The following ALB variants were observed in gnomAD, a reference collection of about 807,000 sequenced individuals.
ALB encodes the protein serum albumin.
A neutral mutation model predicts 74.5 loss-of-function variants in ALB; 37 were observed. That is an observed-to-expected ratio of 0.50 (90% confidence interval 0.38 to 0.65). ALB has a LOEUF of 0.65. ALB is among the 30% of genes least tolerant of loss of function. The pLI is 0.00. For missense variants in ALB, 685 were observed against 718.7 expected (o/e 0.95, Z 0.54); for synonymous variants, 249 against 251.6 (o/e 0.99, Z 0.10).
At chr4:73,407,913 C>A (rs1718773348) in intron 3 of ALB, among the ~76,000 whole-genome samples, 1 of 152,094 alleles carries the variant, frequency 6.6e-6, no homozygotes, top group South Asian at 2.1e-4. Context: ...ACAGCAGAGT[C>A]AGGACTTTAA....
chr4:73,405,057 A>G (rs764783420), intron 1 of ALB, 59 bp from the exon 2 acceptor site: 4 of 1,477,052 alleles, frequency 2.7e-6, no homozygotes, highest in African/African-American at 1.4e-5. Flanking sequence ...AAAAAGTAAC[A>G]TTATTACTTC....
intron 3 of ALB, among the ~76,000 whole-genome samples, chr4:73,408,343 C>T (rs1271941329): frequency 6.6e-6 from 1 of 152,148 alleles, no homozygotes; most frequent in East Asian, 1.9e-4. Flanking sequence ...TATAACTTTC[C>T]TTAAAGCTAT....
intron 2 of ALB, among the ~76,000 whole-genome samples, chr4:73,405,682 C>T (rs935206283): frequency 6.6e-6 from 1 of 151,964 alleles, no homozygotes; most frequent in African/African-American, 2.4e-5. Flanking sequence ...ACTCCGCCTC[C>T]CGGGTTCACG....
chr4:73,419,396 C>T (rs1719090982), intron 12 of ALB, 111 bp from the exon 13 acceptor site: 1 of 1,290,574 alleles, frequency 7.7e-7, no homozygotes, highest in African/African-American at 1.5e-5. Context: ...TTGCCTGGCT[C>T]CAAGATTTAT....
intron 2 of ALB, 23 bp downstream of exon 2, chr4:73,405,196 C>A (rs1449599026): frequency 5.8e-6 from 9 of 1,552,668 alleles, no homozygotes; most frequent in South Asian, 1.1e-5. Context: ...ATTGATGAAT[C>A]AAATTTAATG....
chr4:73,413,711 T>C (rs888808582), intron 8 of ALB, 77 bp downstream of exon 8: 24 of 1,399,448 alleles, frequency 1.7e-5, no homozygotes, highest in East Asian at 4.7e-5. Context: ...GGCTTTTCTG[T>C]GGAGTTGCTA....
In ALB at chr4:73,410,336, A is replaced by G. The variant is rs11538220; in HGVS notation, c.640A>G (p.Lys214Glu). The G allele has an allele frequency of 6.2e-7, 1 of 1,613,844 alleles. No homozygotes were observed. Among genetic ancestry groups the G allele is most frequent in the Non-Finnish European group, 8.5e-7 (1 of 1,179,768 alleles). Residue 214 changes from lysine to glutamate, a missense_variant, in exon 6 of 15, where the codon AAG (lysine) becomes GAG (glutamate). Coordinates refer to ENST00000295897, the MANE Select transcript of ALB (RefSeq NM_000477.7). Reference protein sequence around the residue: ...PKLDELRDEGKASSAKQRLKC... With the variant: ...PKLDELRDEGEASSAKQRLKC... The stretch of plus-strand genomic sequence containing the variant: ...GCTCGATGAACTTCGGGATGAAGGG[A>G]AGGCTTCGTCTGCCAAACAGAGACT...
intron 5 of ALB, 150 bp downstream of exon 5, chr4:73,409,637 T>C (rs916063558): frequency 4.7e-5 from 44 of 929,566 alleles, no homozygotes; most frequent in Non-Finnish European, 3.3e-6. Context: ...AAATCTTTCA[T>C]CTTTGAAGGC....
chr4:73,407,997 G>A (rs1718775332), intron 3 of ALB, among the ~76,000 whole-genome samples: 1 of 152,112 alleles, frequency 6.6e-6, no homozygotes, highest in Admixed American at 6.5e-5. Flanking sequence ...GTCTAGAGTA[G>A]TATATTTTCC....
Position 73,417,778 on chromosome 4 carries a change from T to C in ALB, c.1428+109T>C, listed in dbSNP as rs1719051550. 2.9e-6 allele frequency: 3 copies of C among 1,051,914 alleles called. No individual in the cohort carries two copies. In the East Asian group the frequency reaches 7.8e-5, roughly 27 times the overall value. 65.2% of individuals were successfully genotyped at this position (1,051,914 alleles called of 1,614,324 possible). A position where few individuals can be genotyped will look rare whatever the true frequency, so the allele number is the denominator to read the frequency against. On this transcript the variant is annotated intron_variant, in intron 11 of 14. Transcript: ENST00000295897. ...AGGAAGTAATGTGTGTGTGTGCATG[T>C]TTGTGTGCATGTGTGTGTGCATGCA...
chr4:73,418,427 G>GC, intron 12 of ALB, 116 bp downstream of exon 12: 1 of 913,894 alleles, frequency 1.1e-6, no homozygotes, highest in East Asian at 2.6e-5. Context: ...AAGTATTGGA[G>GC]TGTTGCCCTT....
At chr4:73,404,503 A>G (rs1297986401) in intron 1 of ALB, 97 bp downstream of exon 1, 7 of 1,073,982 alleles carry the variant, frequency 6.5e-6, no homozygotes, top group Non-Finnish European at 1.0e-5. Context: ...TTATTTTGGC[A>G]TTTATTTCTA....
intron 2 of ALB, among the ~76,000 whole-genome samples, chr4:73,405,784 G>T (rs1230366095): frequency 6.6e-6 from 1 of 151,988 alleles, no homozygotes; most frequent in East Asian, 1.9e-4. Context: ...TAGAGATGGG[G>T]TTTCACCGTG....
Position 73,405,739 on chromosome 4 carries a change from C to G in ALB, c.137+566C>G, listed in dbSNP as rs1240178304. Among the ~76,000 whole-genome samples, 3 of 151,948 alleles carry G rather than the reference C, an allele frequency of 2.0e-5. No individual in the cohort carries two copies. The East Asian group carries it at 5.8e-4, about 30-fold the overall frequency. On this transcript the variant is annotated intron_variant, in intron 2 of 14. Transcript: ENST00000295897. Reference sequence around the variant, plus strand: ...CCGAGTAGCTGGGACTACAGGCGCCCGCCATCACGCCCGGCTAATCTTTTG... The same window carrying G: ...CCGAGTAGCTGGGACTACAGGCGCCGGCCATCACGCCCGGCTAATCTTTTG...
In ALB at chr4:73,420,277, T is replaced by A; in HGVS notation, c.1809T>A (p.Ser603Arg). ...AEEGKKLVAA[S>R]QAALGL ...AGGGTAAAAAACTTGTTGCTGCAAG[T>A]CAAGCTGCCTTAGGCTTATAACATC... The change falls in exon 14 of 15, where the codon AGT becomes AGA. Residue 603 changes from serine to arginine, a missense_variant. By Grantham distance (110) the Ser-to-Arg change is moderately radical. Transcript: ENST00000295897. 1 of 1,613,268 alleles carries A rather than the reference T, an allele frequency of 6.2e-7. No homozygotes were observed. Among genetic ancestry groups the A allele is most frequent in the East Asian group, 2.2e-5 (1 of 44,818 alleles).
At chr4:73,408,869 T>G in intron 4 of ALB, 64 bp downstream of exon 4, 1 of 1,318,568 alleles carries the variant, frequency 7.6e-7, no homozygotes, top group East Asian at 2.5e-5. Context: ...AGGCCAACAC[T>G]CTATAAAAAT....
chr4:73,408,448 C>A, intron 3 of ALB, 146 bp from the exon 4 acceptor site: 2 of 697,858 alleles, frequency 2.9e-6, no homozygotes, highest in Non-Finnish European at 4.9e-6. Flanking sequence ...TCATCAGAAA[C>A]TGTAAACCTC....
intron 4 of ALB, 180 bp downstream of exon 4, chr4:73,408,985 T>A (rs1718800964): frequency 4.9e-6 from 3 of 617,012 alleles, no homozygotes; most frequent in East Asian, 2.8e-5. Context: ...GCAAAAAATA[T>A]GATCAAAGAT....
intron 2 of ALB, among the ~76,000 whole-genome samples, chr4:73,406,265 G>A (rs908573863): frequency 1.6e-4 from 24 of 151,982 alleles, no homozygotes; most frequent in Non-Finnish European, 3.4e-4. Context: ...TCTCAAAAAA[G>A]AAAAAGGAAA....
Sources: allele counts gnomAD v4.1 joint callset (sites outside exome capture counted in the v4.1 genomes callset), GRCh38; gene constraint gnomAD v4.1.1; transcripts MANE v1.5; gene names NCBI Gene and HGNC (gene_info 2026-07-23, HGNC 2026-07-21).